TNFAIP8: variants seen among roughly 807,000 people sequenced by gnomAD.
The protein encoded by TNFAIP8 is tumor necrosis factor alpha-induced protein 8.
In TNFAIP8, 7 loss-of-function variants were observed where a neutral mutation model predicts 13.3. The ratio of observed to expected loss-of-function variants is 0.52; its 90% CI spans 0.30 to 0.99. The LOEUF (loss-of-function observed/expected upper bound fraction) is 0.99. TNFAIP8 is among the 50% of genes least tolerant of loss of function. The pLI, the probability that TNFAIP8 is intolerant of heterozygous loss-of-function variation, is 0.07. For synonymous variants in TNFAIP8, 94 were observed against 87.6 expected (o/e 1.07, Z -0.41); for missense variants, 258 against 236.9 (o/e 1.09, Z -0.58).
upstream of TNFAIP8, chr5:119,355,273 T>G: frequency 1.4e-6 from 1 of 700,516 alleles, no homozygotes; most frequent in South Asian, 1.5e-5. Flanking sequence ...GCTCTCCCCC[T>G]GAGGAAGGCC....
At chr5:119,366,301 A>C (rs1033868380) in intron 1 of TNFAIP8, among the ~76,000 whole-genome samples, 1 of 152,270 alleles carries the variant, frequency 6.6e-6, no homozygotes, top group Admixed American at 6.5e-5. Context: ...GCTGGTGTCC[A>C]AAGCACTGTG....
At chr5:119,360,623 C>T (rs1388611210) in intron 1 of TNFAIP8, among the ~76,000 whole-genome samples, 1 of 152,124 alleles carries the variant, frequency 6.6e-6, no homozygotes, top group East Asian at 1.9e-4. Flanking sequence ...GCACTGAGGC[C>T]CAGCAAGGTG....
chr5:119,384,343 G>T, intron 1 of TNFAIP8, among the ~76,000 whole-genome samples: 1 of 152,098 alleles, frequency 6.6e-6, no homozygotes, highest in East Asian at 1.9e-4. Context: ...CAATTAGCTG[G>T]GCGTGGTGGC....
At chr5:119,311,740 G>C (rs947040921) in intron 1 of TNFAIP8, among the ~76,000 whole-genome samples, 3 of 150,150 alleles carry the variant, frequency 2.0e-5, no homozygotes, top group South Asian at 2.1e-4. Flanking sequence ...AATGGAACGG[G>C]CAAATAAGGT....
intron 1 of TNFAIP8, among the ~76,000 whole-genome samples, chr5:119,296,666 T>C (rs1177773722): frequency 1.3e-5 from 2 of 152,214 alleles, no homozygotes; most frequent in Admixed American, 6.5e-5. Flanking sequence ...GGATTCCCTC[T>C]TTTTCTATTG....
intron 1 of TNFAIP8, among the ~76,000 whole-genome samples, chr5:119,279,236 C>CT (rs1488504364): frequency 3.9e-4 from 59 of 152,354 alleles, no homozygotes; most frequent in African/African-American, 1.4e-3. Context: ...GATTTACACT[C>CT]TGGTGGCTCA....
chr5:119,359,947 A>G (rs2112784829), intron 1 of TNFAIP8, among the ~76,000 whole-genome samples: 1 of 152,348 alleles, frequency 6.6e-6, no homozygotes, highest in East Asian at 1.9e-4. Context: ...TTGTGTGCTG[A>G]CAAGGACTAA....
intron 1 of TNFAIP8, among the ~76,000 whole-genome samples, chr5:119,386,574 C>T (rs997844355): frequency 6.6e-6 from 1 of 152,118 alleles, no homozygotes; most frequent in Non-Finnish European, 1.5e-5. Context: ...TCACCATTTT[C>T]TCTGACATGT....
At chr5:119,310,750 T>C (rs1749702291) in intron 1 of TNFAIP8, among the ~76,000 whole-genome samples, 1 of 152,048 alleles carries the variant, frequency 6.6e-6, no homozygotes, top group Admixed American at 6.6e-5. Context: ...TTGCTTGAAC[T>C]GGGGAGGCGG....
chr5:119,270,889 A>C (rs368719258), intron 1 of TNFAIP8, among the ~76,000 whole-genome samples: 1 of 152,216 alleles, frequency 6.6e-6, no homozygotes, highest in African/African-American at 2.4e-5. Flanking sequence ...GTGATCCTGC[A>C]CAAATGGGCC....
chr5:119,338,775 T>TTTGTA (rs1750641228), intron 1 of TNFAIP8, among the ~76,000 whole-genome samples: 1 of 152,222 alleles, frequency 6.6e-6, no homozygotes, highest in African/African-American at 2.4e-5. Flanking sequence ...AGAGATTTTT[T>TTTGTA]TGTTGGCTCA....
intron 1 of TNFAIP8, among the ~76,000 whole-genome samples, chr5:119,360,164 A>G (rs1457651390): frequency 6.6e-6 from 1 of 152,162 alleles, no homozygotes. Flanking sequence ...TCAGGATTAT[A>G]TGGATGATTA....
intron 1 of TNFAIP8, among the ~76,000 whole-genome samples, chr5:119,388,340 C>A (rs1453812576): frequency 6.6e-6 from 1 of 152,150 alleles, no homozygotes; most frequent in African/African-American, 2.4e-5. Context: ...ATACAACAAA[C>A]AAAAACACCC....
At chr5:119,325,106 A>G (rs1218333425) in intron 1 of TNFAIP8, among the ~76,000 whole-genome samples, 1 of 152,164 alleles carries the variant, frequency 6.6e-6, no homozygotes, top group Admixed American at 6.5e-5. Flanking sequence ...ACTGCATTAC[A>G]TGCCATATAT....
chr5:119,301,716 C>T (rs1335168224), intron 1 of TNFAIP8, among the ~76,000 whole-genome samples: 2 of 152,038 alleles, frequency 1.3e-5, no homozygotes, highest in Non-Finnish European at 2.9e-5. Flanking sequence ...ATACATTTAA[C>T]AAGTCATCTT....
chr5:119,303,457 C>G (rs1749455837), intron 1 of TNFAIP8, among the ~76,000 whole-genome samples: 1 of 152,104 alleles, frequency 6.6e-6, no homozygotes, highest in South Asian at 2.1e-4. Flanking sequence ...TTAGATGGAC[C>G]TGTGCCTCTT....
intron 1 of TNFAIP8, among the ~76,000 whole-genome samples, chr5:119,321,272 G>A (rs1391691670): frequency 6.6e-6 from 1 of 152,212 alleles, no homozygotes; most frequent in Non-Finnish European, 1.5e-5. Context: ...CTTTGGGGAA[G>A]ACTTGTGGGC....
chr5:119,288,606 T>G (rs1041061632), intron 1 of TNFAIP8, among the ~76,000 whole-genome samples: 5 of 152,222 alleles, frequency 3.3e-5, no homozygotes, highest in African/African-American at 1.2e-4. Context: ...AAGGCAGCCT[T>G]TCCTTATCAA....
chr5:119,292,000 A>AAG (rs1749003849), intron 1 of TNFAIP8, among the ~76,000 whole-genome samples: 3 of 152,220 alleles, frequency 2.0e-5, no homozygotes, highest in African/African-American at 4.8e-5. Flanking sequence ...AGGAGAAGTG[A>AAG]AGTCAAGAAT....
Sources: gnomAD v4.1 joint callset for allele counts (sites outside exome capture counted in the v4.1 genomes callset) on GRCh38, gnomAD v4.1.1 for gene constraint, MANE v1.5 for transcripts, NCBI Gene and HGNC (gene_info 2026-07-23, HGNC 2026-07-21) for gene names.